ETV6: variants seen among roughly 807,000 people sequenced by gnomAD.
The protein encoded by ETV6 is transcription factor ETV6.
In ETV6, 16 loss-of-function variants were observed where a neutral mutation model predicts 51.1. That is an observed-to-expected ratio of 0.31 (90% CI 0.21 to 0.48). The LOEUF is 0.48. Among genes scored for constraint, ETV6 ranks in the 20% least tolerant of loss-of-function variants. The probability of loss-of-function intolerance (pLI) is 0.99; values close to 1 mark genes in which losing one functional copy is unlikely to be tolerated. For missense variants in ETV6, 458 were observed against 594.8 expected (o/e 0.77, Z 2.39); for synonymous variants, 240 against 224.1 (o/e 1.07, Z -0.64).
chr12:11,834,131 A>G (rs1946282471), intron 2 of ETV6, among the ~76,000 whole-genome samples: 1 of 152,244 alleles, frequency 6.6e-6, no homozygotes, highest in Non-Finnish European at 1.5e-5. Context: ...GGACCAATTA[A>G]GGACGTTTCA....
intron 2 of ETV6, among the ~76,000 whole-genome samples, chr12:11,762,594 G>T (rs1247579666): frequency 6.6e-6 from 1 of 152,178 alleles, no homozygotes. Flanking sequence ...GGGAATGAAG[G>T]CTTTCAGCTT....
intron 5 of ETV6, among the ~76,000 whole-genome samples, chr12:11,883,747 C>T (rs1376972556): frequency 6.6e-6 from 1 of 152,204 alleles, no homozygotes; most frequent in East Asian, 1.9e-4. Context: ...GTGACTTTTG[C>T]ACTGGGTTCC....
chr12:11,703,686 C>T (rs1451465683), intron 1 of ETV6, among the ~76,000 whole-genome samples: 1 of 152,162 alleles, frequency 6.6e-6, no homozygotes, highest in Non-Finnish European at 1.5e-5. Flanking sequence ...TCAATAGAGC[C>T]CACCAGAGTC....
At chr12:11,732,530 A>T (rs1284559118) in intron 1 of ETV6, among the ~76,000 whole-genome samples, 1 of 152,210 alleles carries the variant, frequency 6.6e-6, no homozygotes, top group African/African-American at 2.4e-5. Context: ...GTTGTCCTTC[A>T]AGTACAAACC....
chr12:11,846,166 C>T (rs577589055), intron 3 of ETV6, among the ~76,000 whole-genome samples: 87 of 150,996 alleles, frequency 5.8e-4, no homozygotes, highest in African/African-American at 1.9e-3. Flanking sequence ...AGAAAGGGCC[C>T]AACAGAGAGA....
chr12:11,687,000 C>T (rs964798798), intron 1 of ETV6, among the ~76,000 whole-genome samples: 8 of 152,162 alleles, frequency 5.3e-5, no homozygotes, highest in Admixed American at 3.3e-4. Flanking sequence ...ATTCTCCTGC[C>T]TCTGCCTCCT....
At chr12:11,749,338 CA>C (rs1234105258) in intron 1 of ETV6, among the ~76,000 whole-genome samples, 7 of 115,068 alleles carry the variant, frequency 6.1e-5, no homozygotes, top group East Asian at 6.0e-4. Context: ...CACACACACA[CA>C]CACACACACA....
At chr12:11,704,778 T>G (rs976072828) in intron 1 of ETV6, among the ~76,000 whole-genome samples, 7 of 148,296 alleles carry the variant, frequency 4.7e-5, no homozygotes, top group African/African-American at 1.7e-4. Context: ...CAGGGGTTTG[T>G]GTGTGTGTGT....
intron 1 of ETV6, among the ~76,000 whole-genome samples, chr12:11,658,995 TGAAA>T (rs934236735): frequency 6.6e-6 from 1 of 152,228 alleles, no homozygotes; most frequent in Admixed American, 6.5e-5. Context: ...GGGTGAGACT[TGAAA>T]GAGAGCATCA....
chr12:11,774,534 G>A (rs757079900), intron 2 of ETV6, among the ~76,000 whole-genome samples: 2 of 152,188 alleles, frequency 1.3e-5, no homozygotes, highest in South Asian at 2.1e-4. Flanking sequence ...CTATACCTTA[G>A]TGTCTGTGTT....
intron 1 of ETV6, among the ~76,000 whole-genome samples, chr12:11,701,356 T>C (rs532531337): frequency 1.3e-5 from 2 of 152,234 alleles, no homozygotes; most frequent in South Asian, 4.2e-4. Context: ...CTACTCCAGG[T>C]CTCTCCGTAA....
intron 2 of ETV6, among the ~76,000 whole-genome samples, chr12:11,767,433 G>A (rs1945178571): frequency 6.6e-6 from 1 of 152,216 alleles, no homozygotes; most frequent in African/African-American, 2.4e-5. Context: ...CAAATATTTA[G>A]TAGAAGTCTT....
chr12:11,799,636 C>T (rs563749906), intron 2 of ETV6, among the ~76,000 whole-genome samples: 1 of 152,152 alleles, frequency 6.6e-6, no homozygotes, highest in Non-Finnish European at 1.5e-5. Flanking sequence ...AACAGGAGAA[C>T]CATGCATTCT....
intron 1 of ETV6, among the ~76,000 whole-genome samples, chr12:11,737,859 C>T (rs1357466634): frequency 1.3e-5 from 2 of 152,264 alleles, no homozygotes; most frequent in East Asian, 3.9e-4. Context: ...TCAGATCTGC[C>T]CCTGCCCACT....
rs905929647 is a variant in ETV6 at position 11,754,929 on chromosome 12, A to G, written c.163+2350A>G. 1.4e-4 allele frequency among the ~76,000 whole-genome samples: 22 copies of G among 152,378 alleles called. No individual in the cohort carries two copies. The Middle Eastern group carries it at 0.014, about 94-fold the overall frequency. ...GGTCTTCTTTCTATCTCCATGTCAC[A>G]CATAAGGGCTTAGACAATTTAAGTA... On this transcript the variant is annotated intron_variant, in intron 2 of 7. Transcript: ENST00000396373.
chr12:11,828,067 T>C (rs1332815053), intron 2 of ETV6, among the ~76,000 whole-genome samples: 3 of 152,002 alleles, frequency 2.0e-5, no homozygotes, highest in Non-Finnish European at 2.9e-5. Context: ...TTTTCCTACT[T>C]TTTTTTTCTT....
At chr12:11,674,363 T>TA (rs1213923010) in intron 1 of ETV6, among the ~76,000 whole-genome samples, 1 of 152,182 alleles carries the variant, frequency 6.6e-6, no homozygotes, top group Non-Finnish European at 1.5e-5. Context: ...CTCAGGCTTT[T>TA]AAACAATGGC....
intron 1 of ETV6, among the ~76,000 whole-genome samples, chr12:11,732,463 G>A (rs572725662): frequency 1.3e-5 from 2 of 152,278 alleles, no homozygotes; most frequent in African/African-American, 4.8e-5. Context: ...AAGCAGGAGA[G>A]GTTCAAAAAG....
At chr12:11,727,944 C>T (rs1030485783) in intron 1 of ETV6, among the ~76,000 whole-genome samples, 1 of 152,136 alleles carries the variant, frequency 6.6e-6, no homozygotes, top group Admixed American at 6.5e-5. Flanking sequence ...CTCAGCCTCC[C>T]GAGTAGCTGG....
Sources: allele counts gnomAD v4.1 joint callset (sites outside exome capture counted in the v4.1 genomes callset), GRCh38; gene constraint gnomAD v4.1.1; transcripts MANE v1.5; gene names NCBI Gene and HGNC (gene_info 2026-07-23, HGNC 2026-07-21).